ASB11: variants seen among roughly 807,000 people sequenced by gnomAD.
The protein encoded by ASB11 is ankyrin repeat and SOCS box containing 11, also known as ankyrin repeat and SOCS box protein 11.
A neutral mutation model predicts 20.1 loss-of-function variants in ASB11; 17 were observed. That is an observed-to-expected ratio of 0.85 (90% CI 0.58 to 1.27). The LOEUF (loss-of-function observed/expected upper bound fraction) is 1.27, where lower values mean the gene tolerates loss of function less well. Ranked by LOEUF, ASB11 falls within the 50% of genes most tolerant of loss-of-function variation. The pLI is 0.00. For synonymous variants in ASB11, 107 were observed against 105.6 expected (o/e 1.01, Z -0.08); for missense variants, 259 against 256.9 (o/e 1.01, Z -0.06).
At chrX:15,288,906 A>C (rs1470824094) in intron 5 of ASB11, among the ~76,000 whole-genome samples, 1 of 110,830 alleles carries the variant, frequency 9.0e-6, no homozygotes, top group Non-Finnish European at 1.9e-5. Context: ...AAGATATTTC[A>C]TTTTTCCACG....
intron 4 of ASB11, among the ~76,000 whole-genome samples, chrX:15,291,325 T>C (rs1434416745): frequency 8.9e-6 from 1 of 112,137 alleles, no homozygotes; most frequent in African/African-American, 3.2e-5. Context: ...ACATACTTAA[T>C]TAATTCAAAC....
chrX:15,309,533 C>A (rs1480647293), intron 1 of ASB11, among the ~76,000 whole-genome samples: 2 of 110,518 alleles, frequency 1.8e-5, no homozygotes, highest in East Asian at 5.6e-4. Flanking sequence ...AAATGTAATG[C>A]ACAAGAATCA....
chrX:15,305,138 T>C (rs1369200458), intron 1 of ASB11, among the ~76,000 whole-genome samples: 1 of 111,705 alleles, frequency 9.0e-6, no homozygotes, highest in Non-Finnish European at 1.9e-5. Flanking sequence ...TAGAACAGAA[T>C]TGTAGACATC....
chrX:15,299,054 A>T (rs1920997369), intron 2 of ASB11, among the ~76,000 whole-genome samples: 1 of 111,790 alleles, frequency 8.9e-6, no homozygotes, highest in South Asian at 3.7e-4. Flanking sequence ...CTGCTGGACA[A>T]CTCTGACTTC....
intron 1 of ASB11, among the ~76,000 whole-genome samples, chrX:15,305,585 G>GA (rs199507047): frequency 0.031 from 2,553 of 83,339 alleles, 33 homozygotes; most frequent in Non-Finnish European, 0.044. Flanking sequence ...ATTTTAACAA[G>GA]AAAAAAAAAG....
rs1365068691 is a variant in ASB11 at position 15,315,518 on chromosome X, C to CTTTAATT, written c.81_87dup (p.Val30AsnfsTer2). On this transcript the variant is annotated stop_gained and frameshift_variant, in exon 1 of 7. Coordinates refer to ENST00000480796, the MANE Select transcript of ASB11 (RefSeq NM_080873.3). LOFTEE classifies it high-confidence loss of function. ...AAATGGGTTAGGAGAGCCAAAAAAA[C>CTTTAATT]TTTAATTAAAAGCTTAAAGAAAAAA... The CTTTAATT allele has an allele frequency of 6.7e-6, 8 of 1,191,948 alleles. No individual in the cohort carries two copies. The South Asian group carries it at 1.1e-4, about 17-fold the overall frequency.
intron 1 of ASB11, among the ~76,000 whole-genome samples, chrX:15,314,099 C>G (rs941025550): frequency 3.7e-5 from 4 of 107,224 alleles, no homozygotes; most frequent in Non-Finnish European, 7.7e-5. Context: ...AATTAAAGAC[C>G]ACAAAGACAG....
At chrX:15,300,424 A>G (rs1921028220) in intron 2 of ASB11, among the ~76,000 whole-genome samples, 2 of 112,905 alleles carry the variant, frequency 1.8e-5, no homozygotes, top group African/African-American at 6.4e-5. Flanking sequence ...TTTTACTCAC[A>G]TCGATCATAT....
chrX:15,284,180 A>C (rs1927293917), intron 6 of ASB11, among the ~76,000 whole-genome samples: 1 of 99,806 alleles, frequency 1.0e-5, no homozygotes, highest in Admixed American at 1.2e-4. Flanking sequence ...TGAACCCGGG[A>C]GGCGGAGCTT....
At position 15,288,038 on chromosome X, in the gene ASB11, G is replaced by A; in HGVS notation, c.690C>T (p.Thr230=). 4.1e-6 allele frequency: 5 copies of A among 1,210,661 alleles called. No individual in the cohort carries two copies. Among genetic ancestry groups the A allele is most frequent in the Non-Finnish European group, 5.6e-6 (5 of 895,018 alleles). The change falls in exon 6 of 7, where the codon ACC becomes ACT. Residue 230 remains threonine, a synonymous_variant. Coordinates refer to ENST00000480796, the MANE Select transcript of ASB11 (RefSeq NM_080873.3). ...ASVDHGQWLD[T]PLHAAARQSN... ...ACTGCCTCGCTGCAGCATGGAGTGG[G>A]GTGTCCAGCCACTGGCCATGGTCGA... is the stretch of plus-strand genomic sequence containing the variant.
At chrX:15,293,762 A>G (rs895736217) in intron 3 of ASB11, among the ~76,000 whole-genome samples, 1 of 109,829 alleles carries the variant, frequency 9.1e-6, no homozygotes, top group African/African-American at 3.3e-5. Context: ...ACTTCTAGAG[A>G]TAGCATGACC....
intron 5 of ASB11, 69 bp downstream of exon 5, chrX:15,289,435 T>G: frequency 9.5e-7 from 1 of 1,057,515 alleles, no homozygotes; most frequent in Non-Finnish European, 1.3e-6. Context: ...GACAAGAACT[T>G]CATCTTTGAA....
In ASB11 at chrX:15,303,119, T is replaced by C. The variant is rs998633244; in HGVS notation, c.182-312A>G. ...TCAGTGCTTGAATCCGATAGCTCTATGTAAGGCAAAATGAAGGGCCAAGAA... is the reference window on the plus strand; with the variant it reads ...TCAGTGCTTGAATCCGATAGCTCTACGTAAGGCAAAATGAAGGGCCAAGAA... On this transcript the variant is annotated intron_variant, in intron 1 of 6. Coordinates refer to ENST00000480796, the MANE Select transcript of ASB11 (RefSeq NM_080873.3). 4.9e-4 allele frequency among the ~76,000 whole-genome samples: 55 copies of C among 111,382 alleles called. 1 individual carries two copies. Among genetic ancestry groups the C allele is most frequent in the African/African-American group, 1.8e-3 (54 of 30,684 alleles).
intron 3 of ASB11, among the ~76,000 whole-genome samples, chrX:15,293,827 T>C (rs1440196588): frequency 3.0e-5 from 3 of 100,047 alleles, no homozygotes; most frequent in African/African-American, 7.4e-5. Context: ...CAGTCTATCA[T>C]TGTTGGACAT....
intron 1 of ASB11, among the ~76,000 whole-genome samples, chrX:15,311,466 A>G (rs965198937): frequency 7.1e-5 from 8 of 112,487 alleles, no homozygotes; most frequent in African/African-American, 2.6e-4. Flanking sequence ...AAATAAGAGC[A>G]GAAGGCTAGG....
At chrX:15,313,009 T>C (rs1921486598) in intron 1 of ASB11, among the ~76,000 whole-genome samples, 1 of 111,245 alleles carries the variant, frequency 9.0e-6, no homozygotes, top group Non-Finnish European at 1.9e-5. Context: ...TGTAATAATA[T>C]AGTATCTGAC....
chrX:15,293,912 G>A (rs761705164), intron 3 of ASB11, among the ~76,000 whole-genome samples: 3 of 107,836 alleles, frequency 2.8e-5, no homozygotes, highest in African/African-American at 1.0e-4. Flanking sequence ...GGGAGGGATA[G>A]CATTAGGATG....
At chrX:15,286,663 C>CAAAAAAAAAAAAAAAAAA (rs764801887) in intron 6 of ASB11, among the ~76,000 whole-genome samples, 19 of 54,373 alleles carry the variant, frequency 3.5e-4, no homozygotes, top group African/African-American at 1.5e-3. Context: ...GACTCCATCT[C>CAAAAAAAAAAAAAAAAAA]AAAAAAAAAA....
intron 1 of ASB11, chrX:15,314,437 C>T (rs751351304): frequency 1.1e-4 from 135 of 1,196,826 alleles, no homozygotes; most frequent in Admixed American, 2.5e-4. Flanking sequence ...CCTTCTGATA[C>T]GTTCTGAAAC....
Sources: gnomAD v4.1 joint callset for allele counts (sites outside exome capture counted in the v4.1 genomes callset) on GRCh38, gnomAD v4.1.1 for gene constraint, MANE v1.5 for transcripts, NCBI Gene and HGNC (gene_info 2026-07-23, HGNC 2026-07-21) for gene names.